The following POC1B variants were observed in gnomAD, a reference collection of about 807,000 sequenced individuals.
POC1B encodes the protein POC1 centriolar protein homolog B.
Under a neutral mutation model 60.6 loss-of-function variants are expected in POC1B, and 44 were observed. The observed-to-expected ratio is 0.73, with a 90% CI of 0.57 to 0.93. The LOEUF (loss-of-function observed/expected upper bound fraction) is 0.93. POC1B is among the 40% of genes least tolerant of loss of function. The pLI, the probability that POC1B is intolerant of heterozygous loss-of-function variation, is 0.00. For missense variants in POC1B, 555 were observed against 572.3 expected (o/e 0.97, Z 0.31); for synonymous variants, 180 against 198.9 (o/e 0.90, Z 0.80).
rs745626531 is a variant in POC1B at position 89,466,775 on chromosome 12, C to T, written c.1027G>A (p.Val343Ile). 1.2e-6 allele frequency: 2 copies of T among 1,611,164 alleles called. No individual in the cohort carries two copies. The highest frequency in any genetic ancestry group is 1.7e-6 in the Non-Finnish European group (2 of 1,178,280). ...AATATGAACAAAATACTCACTTCTA[C>T]AGTCTCAACTTTTTCCTCATGGGGA... The part of the protein sequence containing the change: ...PHPHEEKVET[V>I]EINPKLEVID... Residue 343 changes from valine to isoleucine, a missense_variant, in exon 9 of 12, where the codon GTA becomes ATA. Transcript: ENST00000313546.
rs1868826942 is a variant in POC1B, at chr12:89,489,390, AG to A, written c.452+2545del. Among the ~76,000 whole-genome samples the A allele has an allele frequency of 1.3e-5, 2 of 152,232 alleles. 1 individual carries two copies. The highest frequency in any genetic ancestry group is 4.1e-4 in the South Asian group (2 of 4,834). On this transcript the variant is annotated intron_variant, in intron 4 of 11. Transcript: ENST00000313546. Reference sequence around the variant, plus strand: ...AATTTTAACCTACAAATTTAGGTCCAGGGTCCATGTTTTTAGCCACACAGCT... The same window carrying A: ...AATTTTAACCTACAAATTTAGGTCCAGGTCCATGTTTTTAGCCACACAGCT...
At chr12:89,513,314 C>A (rs1316092205) in intron 2 of POC1B, among the ~76,000 whole-genome samples, 1 of 143,092 alleles carries the variant, frequency 7.0e-6, no homozygotes, top group Non-Finnish European at 1.5e-5. Flanking sequence ...GGGAAAGTAA[C>A]TAAAAAGTTC....
chr12:89,440,693 C>T (rs1365071632), intron 10 of POC1B, among the ~76,000 whole-genome samples: 1 of 152,224 alleles, frequency 6.6e-6, no homozygotes, highest in African/African-American at 2.4e-5. Context: ...CAGTCTACAG[C>T]TCCCAGCGTG....
intron 2 of POC1B, among the ~76,000 whole-genome samples, chr12:89,504,315 G>A (rs984574147): frequency 6.6e-6 from 1 of 152,188 alleles, no homozygotes; most frequent in African/African-American, 2.4e-5. Context: ...CCCCAACCCT[G>A]TGCTCTCTGA....
At chr12:89,455,958 T>A (rs1344398966) in intron 10 of POC1B, among the ~76,000 whole-genome samples, 1 of 152,194 alleles carries the variant, frequency 6.6e-6, no homozygotes, top group Non-Finnish European at 1.5e-5. Context: ...GTAATAACCC[T>A]AGAGTCTTTT....
At chr12:89,507,862 G>A (rs971757567) in intron 2 of POC1B, among the ~76,000 whole-genome samples, 1 of 152,222 alleles carries the variant, frequency 6.6e-6, no homozygotes, top group Non-Finnish European at 1.5e-5. Context: ...ATCAGCTGCA[G>A]TTACTTAGAG....
At chr12:89,457,463 T>C (rs1002442363) in intron 10 of POC1B, among the ~76,000 whole-genome samples, 5 of 152,236 alleles carry the variant, frequency 3.3e-5, no homozygotes, top group Admixed American at 1.3e-4. Context: ...AGAATCTATG[T>C]CTTCAGAATG....
Position 89,519,039 on chromosome 12 carries a change from T to C in POC1B, c.100+6081A>G, listed in dbSNP as rs141754278. Among the ~76,000 whole-genome samples, 10 of 152,242 alleles carry C rather than the reference T, an allele frequency of 6.6e-5. No homozygotes were observed. In the East Asian group the frequency reaches 1.9e-3, roughly 29 times the overall value. On this transcript the variant is annotated intron_variant, in intron 2 of 11. Transcript: ENST00000313546. ...CACTGGTGGAAGGGAATTTCATTTA[T>C]GGACCGGGGAAATATGAGGATATGT...
At chr12:89,410,022 A>G in the POC1B span, among the ~76,000 whole-genome samples, 5 of 152,250 alleles carry the variant, frequency 3.3e-5, no homozygotes, top group South Asian at 2.1e-4. Flanking sequence ...TTTCAGGCCA[A>G]TATCCCTGAT....
At chr12:89,522,038 A>G (rs1479800286) in intron 2 of POC1B, 1 of 399,032 alleles carries the variant, frequency 2.5e-6, no homozygotes, top group Non-Finnish European at 4.4e-6. Flanking sequence ...AAGGAAGTGC[A>G]ATCAGAAAAT....
intron 2 of POC1B, chr12:89,523,713 G>C (rs541599359): frequency 6.5e-7 from 1 of 1,547,308 alleles, no homozygotes; most frequent in African/African-American, 1.4e-5. Flanking sequence ...TTAAACGCCA[G>C]TCAAACCCAC....
chr12:89,513,400 C>T (rs374386555), intron 2 of POC1B, among the ~76,000 whole-genome samples: 1 of 152,146 alleles, frequency 6.6e-6, no homozygotes, highest in African/African-American at 2.4e-5. Flanking sequence ...TGTACAAGCA[C>T]ACCACATGTT....
intron 10 of POC1B, among the ~76,000 whole-genome samples, chr12:89,433,526 G>C (rs1881127083): frequency 6.6e-6 from 1 of 152,178 alleles, no homozygotes; most frequent in African/African-American, 2.4e-5. Context: ...GAGGATAACA[G>C]AGGGAGAAAG....
At chr12:89,506,013 A>G (rs1869878032) in intron 2 of POC1B, among the ~76,000 whole-genome samples, 1 of 152,214 alleles carries the variant, frequency 6.6e-6, no homozygotes, top group East Asian at 1.9e-4. Context: ...GTGCCATTTA[A>G]TGAGATGAGA....
At chr12:89,408,379 CA>C in the POC1B span, among the ~76,000 whole-genome samples, 1 of 152,230 alleles carries the variant, frequency 6.6e-6, no homozygotes, top group African/African-American at 2.4e-5. Flanking sequence ...GAGGAATCGC[CA>C]CAGTGTCTTC....
intron 9 of POC1B, among the ~76,000 whole-genome samples, chr12:89,462,113 G>A (rs1243919932): frequency 2.6e-5 from 4 of 152,062 alleles, no homozygotes; most frequent in African/African-American, 7.2e-5. Flanking sequence ...AAGTCCTGAT[G>A]TAATTAACAG....
intron 10 of POC1B, among the ~76,000 whole-genome samples, chr12:89,440,301 A>G (rs1297082330): frequency 1.3e-5 from 2 of 152,188 alleles, no homozygotes; most frequent in African/African-American, 4.8e-5. Context: ...TTGATTCTAC[A>G]TGCACTGGGC....
At chr12:89,512,792 TTATCTC>T (rs1444503285) in intron 2 of POC1B, among the ~76,000 whole-genome samples, 1 of 152,174 alleles carries the variant, frequency 6.6e-6, no homozygotes, top group African/African-American at 2.4e-5. Context: ...ATAAATATCA[TTATCTC>T]TATTTTACAG....
chr12:89,405,332 T>C, the POC1B span, among the ~76,000 whole-genome samples: 4 of 152,070 alleles, frequency 2.6e-5, no homozygotes, highest in Non-Finnish European at 5.9e-5. Flanking sequence ...ACTCAGGTAG[T>C]AGTGGGAAAA....
Sources: allele counts gnomAD v4.1 joint callset (sites outside exome capture counted in the v4.1 genomes callset), GRCh38; gene constraint gnomAD v4.1.1; transcripts MANE v1.5; gene names NCBI Gene and HGNC (gene_info 2026-07-23, HGNC 2026-07-21).